Variants in ART1 observed in about 807,000 individuals in gnomAD.
The protein encoded by ART1 is ADP-ribosyltransferase 1, also known as GPI-linked NAD(P)(+)--arginine ADP-ribosyltransferase 1.
ART1 carries 29 observed loss-of-function variants against 27.0 expected under a neutral mutation model. The ratio of observed to expected loss-of-function variants is 1.08; its 90% confidence interval spans 0.80 to 1.47. The LOEUF (loss-of-function observed/expected upper bound fraction) is 1.47, where lower values mean the gene tolerates loss of function less well. Ranked by LOEUF, ART1 falls within the 40% of genes most tolerant of loss-of-function variation. The pLI is 0.00. For missense variants in ART1, 480 were observed against 423.0 expected (o/e 1.13, Z -1.18); for synonymous variants, 201 against 172.2 (o/e 1.17, Z -1.31).
chr11:3,646,565 C>A (rs1342246348), intron 1 of ART1, among the ~76,000 whole-genome samples: 2 of 152,160 alleles, frequency 1.3e-5, no homozygotes, highest in African/African-American at 4.8e-5. Flanking sequence ...AACCCAAGGA[C>A]CAGATGCAAA....
rs755480168 is a variant in ART1, at chr11:3,646,745, C to G, written c.-53+1566C>G. On this transcript the variant is annotated intron_variant, in intron 1 of 4. Coordinates refer to ENST00000250693, the MANE Select transcript of ART1 (RefSeq NM_004314.3). ...TCAGATGTCTCCTTGATTGTCCATT[C>G]TGCTACCTCTTGGACATCTGCTTCA... Among the ~76,000 whole-genome samples the G allele has an allele frequency of 2.7e-4, 41 of 152,212 alleles. 1 individual carries two copies. The highest frequency in any genetic ancestry group is 5.1e-4 in the Non-Finnish European group (35 of 68,038).
intron 1 of ART1, among the ~76,000 whole-genome samples, chr11:3,653,441 C>A (rs548090218): frequency 2.0e-5 from 3 of 148,424 alleles, no homozygotes; most frequent in Admixed American, 6.6e-5. Context: ...CTTGTGACCC[C>A]CACTCTGACT....
At chr11:3,649,290 A>T (rs2077497336) in intron 1 of ART1, among the ~76,000 whole-genome samples, 1 of 152,168 alleles carries the variant, frequency 6.6e-6, no homozygotes, top group Non-Finnish European at 1.5e-5. Flanking sequence ...GCTTGACCCC[A>T]ATACAAACTC....
chr11:3,663,144 C>CTCATCTCATCTCA (rs1554883234), intron 4 of ART1, among the ~76,000 whole-genome samples: 2 of 126,066 alleles, frequency 1.6e-5, no homozygotes, highest in Admixed American at 1.8e-4. Flanking sequence ...CTCATCTCAT[C>CTCATCTCATCTCA]ATCATCTCAT....
chr11:3,653,613 G>C (rs1304177394), intron 1 of ART1, among the ~76,000 whole-genome samples: 1 of 152,134 alleles, frequency 6.6e-6, no homozygotes, highest in Non-Finnish European at 1.5e-5. Context: ...CTGTTTGGTG[G>C]TCTCTTCACA....
chr11:3,654,918 G>T (rs1589920642), intron 1 of ART1, among the ~76,000 whole-genome samples: 1 of 152,358 alleles, frequency 6.6e-6, no homozygotes, highest in Admixed American at 6.5e-5. Flanking sequence ...TAGAGCAGAT[G>T]CAGACAGAAA....
intron 1 of ART1, among the ~76,000 whole-genome samples, chr11:3,652,802 C>T (rs1589918716): frequency 6.6e-6 from 1 of 151,256 alleles, no homozygotes; most frequent in Non-Finnish European, 1.5e-5. Flanking sequence ...TGGTGCTATC[C>T]CCAAACTGCC....
At chr11:3,650,375 T>C (rs2077510525) in intron 1 of ART1, among the ~76,000 whole-genome samples, 1 of 152,188 alleles carries the variant, frequency 6.6e-6, no homozygotes, top group Admixed American at 6.5e-5. Flanking sequence ...CCTGACTGAC[T>C]CCTTCCCAGA....
At chr11:3,648,254 T>C (rs2077486091) in intron 1 of ART1, among the ~76,000 whole-genome samples, 2 of 152,208 alleles carry the variant, frequency 1.3e-5, no homozygotes, top group Admixed American at 1.3e-4. Flanking sequence ...GATTAAAAGC[T>C]TTATTGCTCA....
chr11:3,653,298 G>A (rs1382139224), intron 1 of ART1, among the ~76,000 whole-genome samples: 1 of 148,612 alleles, frequency 6.7e-6, no homozygotes, highest in Non-Finnish European at 1.5e-5. Flanking sequence ...CAGATGGCCG[G>A]TTCCTGCCTT....
chr11:3,646,991 G>A (rs1000016785), intron 1 of ART1, among the ~76,000 whole-genome samples: 4 of 152,058 alleles, frequency 2.6e-5, no homozygotes, highest in African/African-American at 9.7e-5. Context: ...AAATGTTCTT[G>A]CTACATGAAA....
chr11:3,653,210 A>T (rs1354977367), intron 1 of ART1, among the ~76,000 whole-genome samples: 1 of 148,662 alleles, frequency 6.7e-6, no homozygotes, highest in Non-Finnish European at 1.5e-5. Context: ...TTTTCTTATT[A>T]ATATAAGAAG....
intron 4 of ART1, among the ~76,000 whole-genome samples, chr11:3,663,549 T>A (rs1048261729): frequency 1.3e-5 from 2 of 152,268 alleles, no homozygotes; most frequent in East Asian, 3.9e-4. Flanking sequence ...AAACTGGGAC[T>A]CTAATTGGTC....
Position 3,660,078 on chromosome 11 carries a change from C to T in ART1, c.559C>T (p.Arg187Trp), listed in dbSNP as rs561441207. The change falls in exon 3 of 5, where the codon CGG becomes TGG. Residue 187 changes from arginine to tryptophan, a missense_variant. Arg to Trp is a moderately radical substitution (Grantham distance 101). Coordinates refer to ENST00000250693, the MANE Select transcript of ART1 (RefSeq NM_004314.3). ...VFRGVHGLRFRPAGPRATVRL... is the reference protein window; with the variant it reads ...VFRGVHGLRFWPAGPRATVRL... ...CCGAGGTGTGCACGGCCTGCGCTTC[C>T]GGCCAGCAGGGCCCCGGGCCACCGT... The T allele has an allele frequency of 2.6e-5, 42 of 1,613,706 alleles. No homozygotes were observed. The highest frequency in any genetic ancestry group is 5.3e-5 in the African/African-American group (4 of 75,064).
chr11:3,660,347 C>T lies in ART1; in HGVS notation c.828C>T (p.Asn276=), dbSNP rs780600255. 5 of 1,601,824 alleles carry T rather than the reference C, an allele frequency of 3.1e-6. No homozygotes were observed. In the South Asian group the frequency reaches 5.5e-5, roughly 18 times the overall value. ...CCCTGGGCAAGCACAGCACCTACAA[C>T]TGCGAGTACATCAAAGGTAGGAGGG... The part of the protein sequence containing the change: ...LRALGKHSTY[N]CEYIKDKKCK... The change falls in exon 3 of 5, where the codon AAC becomes AAT. Residue 276 remains asparagine (N), a synonymous_variant. Coordinates refer to ENST00000250693, the MANE Select transcript of ART1 (RefSeq NM_004314.3).
chr11:3,660,094 G>C lies in ART1; in HGVS notation c.575G>C (p.Arg192Pro), dbSNP rs760968477. Residue 192 changes from arginine (R) to proline (P), a missense_variant, in exon 3 of 5, where the codon CGG becomes CCG. By Grantham distance (103) the Arg-to-Pro change is moderately radical. Transcript: ENST00000250693. ...CTGCGCTTCCGGCCAGCAGGGCCCC[G>C]GGCCACCGTGAGGCTGGGGGGCTTT... ...HGLRFRPAGP[R>P]ATVRLGGFAS... The C allele has an allele frequency of 9.9e-6, 16 of 1,613,542 alleles. No homozygotes were observed. In the Admixed American group the frequency reaches 2.2e-4, roughly 22 times the overall value.
In ART1 at chr11:3,664,154, G is replaced by C. The variant is rs2077643670; in HGVS notation, c.949G>C (p.Val317Leu). ...GCTGCTGCTGCTCTGGTTCCTCGTG[G>C]TGAGGGCCTTTCCAGATGGTCCAGG... The part of the protein sequence containing the change: ...SLLLLLWFLV[V>L]RAFPDGPGLL The change falls in exon 5 of 5, where the codon GTG (valine) becomes CTG (leucine). Residue 317 changes from valine (V) to leucine (L), a missense_variant. Coordinates refer to ENST00000250693, the MANE Select transcript of ART1 (RefSeq NM_004314.3). The C allele has an allele frequency of 1.9e-6, 3 of 1,614,044 alleles. No individual in the cohort carries two copies. Among genetic ancestry groups the C allele is most frequent in the Non-Finnish European group, 1.7e-6 (2 of 1,180,032 alleles).
chr11:3,655,092 G>T (rs1286786711), intron 1 of ART1, among the ~76,000 whole-genome samples: 4 of 152,214 alleles, frequency 2.6e-5, no homozygotes, highest in Admixed American at 6.5e-5. Flanking sequence ...GGACTTGGTT[G>T]GGCAGCTCTG....
intron 1 of ART1, among the ~76,000 whole-genome samples, chr11:3,648,549 A>C (rs542082719): frequency 1.4e-4 from 22 of 151,918 alleles, no homozygotes; most frequent in Non-Finnish European, 2.8e-4. Context: ...CAATCTCTCC[A>C]TTCTCTTAAT....
Sources: allele counts gnomAD v4.1 joint callset (sites outside exome capture counted in the v4.1 genomes callset), GRCh38; gene constraint gnomAD v4.1.1; transcripts MANE v1.5; gene names NCBI Gene and HGNC (gene_info 2026-07-23, HGNC 2026-07-21).